DPP6: variants seen among roughly 807,000 people sequenced by gnomAD.
DPP6 encodes A-type potassium channel modulatory protein DPP6.
DPP6 carries 69 observed loss-of-function variants against 122.6 expected under a neutral mutation model. The observed-to-expected ratio is 0.56, with a 90% confidence interval of 0.46 to 0.69. The LOEUF is 0.69. DPP6 is among the 30% of genes least tolerant of loss of function. DPP6 has a pLI of 0.00. For missense variants in DPP6, 928 were observed against 1,116.9 expected (o/e 0.83, Z 2.41); for synonymous variants, 418 against 433.1 (o/e 0.97, Z 0.43).
At chr7:154,459,821 A>AAG (rs1232916332) in intron 2 of DPP6, among the ~76,000 whole-genome samples, 1 of 143,992 alleles carries the variant, frequency 6.9e-6, no homozygotes. Flanking sequence ...AAAAAAAAAA[A>AAG]AAAGAAAAGA....
Position 154,323,541 on chromosome 7 carries a change from C to G in DPP6, c.244-122673C>G, listed in dbSNP as rs568134077. Among the ~76,000 whole-genome samples the G allele has an allele frequency of 4.3e-4, 66 of 152,310 alleles. 1 individual carries two copies. The highest frequency in any genetic ancestry group is 1.5e-3 in the African/African-American group (64 of 41,574). On this transcript the variant is annotated intron_variant, in intron 1 of 25. Coordinates refer to ENST00000377770, the MANE Select transcript of DPP6 (RefSeq NM_130797.4). The stretch of plus-strand genomic sequence containing the variant: ...ATCGTCAACTAACTTCTGTGGAGCA[C>G]TTGCTGCTTTTGGTCCCCTAACCAT...
chr7:153,797,386 A>G, the DPP6 span, among the ~76,000 whole-genome samples: 2 of 152,190 alleles, frequency 1.3e-5, no homozygotes, highest in African/African-American at 2.4e-5. Flanking sequence ...AAAAGGATGG[A>G]GAGTGTGGAG....
Position 153,964,812 on chromosome 7 carries a change from C to CT in DPP6, c.51+77081dup, listed in dbSNP as rs1361629396. Among the ~76,000 whole-genome samples the CT allele has an allele frequency of 2.3e-3, 111 of 47,732 alleles. 1 individual carries two copies. The highest frequency in any genetic ancestry group is 0.02 in the East Asian group (3 of 150). The allele number at this position is 47,732 out of a possible 152,430, so 31.3% of individuals were successfully genotyped here. On this transcript the variant is annotated intron_variant, in intron 1 of 25. Transcript: ENST00000404039. Reference sequence around the variant, plus strand: ...CTTTCCTTTCCTTTCCTTTCCTTTCCTTTCCTTTCCTTTCCTTTTCCTTTT... The same window carrying CT: ...CTTTCCTTTCCTTTCCTTTCCTTTCCTTTTCCTTTCCTTTCCTTTTCCTTTT...
chr7:153,922,075 C>G (rs1800665446), intron 1 of DPP6, among the ~76,000 whole-genome samples: 1 of 152,196 alleles, frequency 6.6e-6, no homozygotes, highest in Non-Finnish European at 1.5e-5. Flanking sequence ...CGATACGGTC[C>G]TGAGTGGGAG....
intron 20 of DPP6, among the ~76,000 whole-genome samples, chr7:154,880,383 C>T (rs750735103): frequency 3.9e-5 from 6 of 152,254 alleles, no homozygotes; most frequent in African/African-American, 7.2e-5. Context: ...AGGTACAAGA[C>T]AGGGGCCTCC....
rs537269940 is a variant in DPP6 at position 154,695,902 on chromosome 7, C to T, written c.762+26461C>T. ...TAGGCTTCCTTCCTGATCAAACAAG[C>T]GGACCGTGCTGAGACACCTCCCCGA... On this transcript the variant is annotated intron_variant, in intron 7 of 25. Coordinates refer to ENST00000377770, the MANE Select transcript of DPP6 (RefSeq NM_130797.4). Among the ~76,000 whole-genome samples the T allele has an allele frequency of 1.3e-4, 20 of 152,276 alleles. No individual in the cohort carries two copies. The South Asian group carries it at 2.9e-3, about 22-fold the overall frequency.
intron 1 of DPP6, among the ~76,000 whole-genome samples, chr7:153,943,549 A>G (rs1392273600): frequency 6.6e-6 from 1 of 152,126 alleles, no homozygotes; most frequent in Non-Finnish European, 1.5e-5. Flanking sequence ...TTCCTTTGAC[A>G]CGCTCTGGCT....
intron 2 of DPP6, among the ~76,000 whole-genome samples, chr7:154,461,104 ATGTCTTTC>A (rs1451044144): frequency 6.6e-6 from 1 of 151,926 alleles, no homozygotes; most frequent in Non-Finnish European, 1.5e-5. Context: ...CATGCCAAGT[ATGTCTTTC>A]TGTGCCAAGT....
At chr7:154,106,533 G>A (rs1408892712) in intron 1 of DPP6, among the ~76,000 whole-genome samples, 29 of 136,192 alleles carry the variant, frequency 2.1e-4, no homozygotes, top group Non-Finnish European at 3.7e-4. Flanking sequence ...CTGTGTTCTT[G>A]TGGAGGTAAG....
intron 1 of DPP6, among the ~76,000 whole-genome samples, chr7:154,134,960 A>C (rs1439232144): frequency 4.0e-5 from 6 of 151,718 alleles, no homozygotes; most frequent in Non-Finnish European, 7.4e-5. Context: ...GTGAGTGTAC[A>C]CTTCCTGTGA....
intron 1 of DPP6, among the ~76,000 whole-genome samples, chr7:154,293,288 C>G (rs892096638): frequency 6.6e-5 from 10 of 152,202 alleles, no homozygotes; most frequent in African/African-American, 2.2e-4. Context: ...GAAGCCTTCA[C>G]TTTAGTGGTC....
At chr7:154,837,747 T>G (rs1178042714) in intron 16 of DPP6, among the ~76,000 whole-genome samples, 1 of 152,216 alleles carries the variant, frequency 6.6e-6, no homozygotes, top group African/African-American at 2.4e-5. Context: ...TCTGTATTTC[T>G]TTCACTTCCA....
intron 1 of DPP6, among the ~76,000 whole-genome samples, chr7:154,011,021 A>G (rs1396633889): frequency 6.6e-6 from 1 of 152,198 alleles, no homozygotes; most frequent in Non-Finnish European, 1.5e-5. Flanking sequence ...GTAGGTCTCC[A>G]ATATGCCATT....
At chr7:154,689,460 A>C (rs1460108344) in intron 7 of DPP6, among the ~76,000 whole-genome samples, 4 of 152,020 alleles carry the variant, frequency 2.6e-5, no homozygotes, top group African/African-American at 9.7e-5. Flanking sequence ...TTAATCTGTC[A>C]GTGAGGTGTA....
At chr7:154,857,608 T>C (rs2150588409) in intron 17 of DPP6, among the ~76,000 whole-genome samples, 2 of 152,340 alleles carry the variant, frequency 1.3e-5, no homozygotes, top group South Asian at 4.1e-4. Flanking sequence ...CAAAATGCAC[T>C]GAGTTTTCAT....
intron 1 of DPP6, among the ~76,000 whole-genome samples, chr7:154,427,516 C>A (rs1381668354): frequency 6.6e-6 from 1 of 152,168 alleles, no homozygotes; most frequent in Non-Finnish European, 1.5e-5. Flanking sequence ...GAAATGTGGC[C>A]TCCTAACTGA....
chr7:154,241,400 T>A lies in DPP6; in HGVS notation c.243+188337T>A, dbSNP rs1801605835. On this transcript the variant is annotated intron_variant, in intron 1 of 25. Transcript: ENST00000377770. This position sits in a 1 kb window ranked among gnomAD's most constrained non-coding sequence, Gnocchi z 9.0. Reference sequence around the variant, plus strand: ...TTTTTAAAGATCCCATTCTGGCAGGTCATGGTGACTCACACCTGGCGTGGA... The same window carrying A: ...TTTTTAAAGATCCCATTCTGGCAGGACATGGTGACTCACACCTGGCGTGGA... 6.6e-6 allele frequency among the ~76,000 whole-genome samples: 1 copy of A among 152,030 alleles called. No individual in the cohort carries two copies. The highest frequency in any genetic ancestry group is 2.1e-4 in the South Asian group (1 of 4,826).
rs1267906339 is a variant in DPP6, at chr7:154,731,879, G to T, written c.883+3992G>T. 5.9e-5 allele frequency among the ~76,000 whole-genome samples: 9 copies of T among 152,260 alleles called. No individual in the cohort carries two copies. In the East Asian group the frequency reaches 1.7e-3, roughly 29 times the overall value. On this transcript the variant is annotated intron_variant, in intron 8 of 25. Transcript: ENST00000377770. ...TTCTGTTAAGAATGTGCACTTTGATGCAGGGCTCAGTAATTTTGCAAAGTT... is the reference window on the plus strand; with the variant it reads ...TTCTGTTAAGAATGTGCACTTTGATTCAGGGCTCAGTAATTTTGCAAAGTT...
intron 7 of DPP6, among the ~76,000 whole-genome samples, chr7:154,692,929 C>T (rs1425777266): frequency 1.3e-5 from 2 of 151,862 alleles, no homozygotes; most frequent in Admixed American, 1.3e-4. Context: ...GTCACTGGGA[C>T]TACCGGCACA....
Sources: allele counts gnomAD v4.1 joint callset (sites outside exome capture counted in the v4.1 genomes callset), GRCh38; gene constraint gnomAD v4.1.1; non-coding constraint Gnocchi (gnomAD v3.1); transcripts MANE v1.5; gene names NCBI Gene and HGNC (gene_info 2026-07-23, HGNC 2026-07-21).